Variants in NSD3 observed in about 807,000 individuals in gnomAD.
The protein encoded by NSD3 is histone-lysine N-methyltransferase NSD3.
NSD3 carries 24 observed loss-of-function variants against 160.8 expected under a neutral mutation model. The ratio of observed to expected loss-of-function variants is 0.15; its 90% confidence interval spans 0.11 to 0.21. The LOEUF is 0.21. NSD3 is among the 10% of genes least tolerant of loss of function. The pLI is 1.00. For missense variants in NSD3, 1,157 were observed against 1,735.9 expected (o/e 0.67, Z 5.93); for synonymous variants, 520 against 600.0 (o/e 0.87, Z 1.95).
intron 16 of NSD3, among the ~76,000 whole-genome samples, chr8:38,293,366 A>G (rs1304293984): frequency 6.6e-6 from 1 of 151,812 alleles, no homozygotes; most frequent in Non-Finnish European, 1.5e-5. Context: ...CCGGGCCAAC[A>G]TGGTGAAACC....
chr8:38,280,223 A>G (rs144436944), intron 20 of NSD3: 2 of 152,384 alleles, frequency 1.3e-5, no homozygotes, highest in Admixed American at 6.5e-5. Context: ...AAAGTTCACA[A>G]TACATTGAAA....
rs1306736963 is a variant in NSD3 at position 38,295,862 on chromosome 8, T to C, written c.2849A>G (p.Asn950Ser). The C allele has an allele frequency of 4.3e-6, 7 of 1,614,170 alleles. No individual in the cohort carries two copies. Among genetic ancestry groups the C allele is most frequent in the South Asian group, 1.1e-5 (1 of 91,078 alleles). Residue 950 changes from asparagine (N) to serine (S), a missense_variant, in exon 16 of 24, where the codon AAT becomes AGT. Physicochemically the swap from Asn to Ser is conservative, Grantham distance 46. Transcript: ENST00000317025. ...TAGTTTCTTGCCAGCTTTACAGTCA[T>C]TACAATTCCAGCAGCCTTCTGGCAT... is the stretch of plus-strand genomic sequence containing the variant. ...IEMPEGCWNCNDCKAGKKLHY... is the reference protein window; with the variant it reads ...IEMPEGCWNCSDCKAGKKLHY...
chr8:38,377,243 G>C (rs1412909012), intron 1 of NSD3, among the ~76,000 whole-genome samples: 1 of 96,074 alleles, frequency 1.0e-5, no homozygotes. Flanking sequence ...AGTAGAGACG[G>C]GAGTTTCACC....
At chr8:38,337,220 G>A (rs1044594766) in intron 4 of NSD3, 85 bp downstream of exon 4, 6 of 1,177,494 alleles carry the variant, frequency 5.1e-6, no homozygotes, top group Admixed American at 3.4e-5. Context: ...TATATTACGT[G>A]TGTATTCTTA....
chr8:38,372,589 C>A (rs1448898729), intron 1 of NSD3, among the ~76,000 whole-genome samples: 10 of 151,000 alleles, frequency 6.6e-5, no homozygotes, highest in Non-Finnish European at 1.0e-4. Flanking sequence ...CTCCGCCTCC[C>A]GGGTTCAAGC....
intron 1 of NSD3, among the ~76,000 whole-genome samples, chr8:38,369,254 T>C (rs1811179874): frequency 6.6e-6 from 1 of 152,190 alleles, no homozygotes; most frequent in African/African-American, 2.4e-5. Flanking sequence ...TTTCATACTA[T>C]ATATCCAAAT....
intron 3 of NSD3, among the ~76,000 whole-genome samples, chr8:38,338,128 C>T (rs1013958239): frequency 1.3e-5 from 2 of 151,840 alleles, no homozygotes; most frequent in Non-Finnish European, 1.5e-5. Flanking sequence ...AGTGAAACCC[C>T]GTCTCTACTA....
chr8:38,309,292 A>T (rs1157436013), intron 12 of NSD3, among the ~76,000 whole-genome samples: 3 of 152,130 alleles, frequency 2.0e-5, no homozygotes, highest in Non-Finnish European at 4.4e-5. Flanking sequence ...ACATGGCAAA[A>T]CCCTGGCTCT....
Position 38,348,080 on chromosome 8 carries a change from T to C in NSD3, c.92A>G (p.Glu31Gly), listed in dbSNP as rs1466739240. ...GTCACTGTTGTTATCAAAGGCATCCTCCTGACGGATGTTGGCGGAGTCAAT... is the reference window on the plus strand; with the variant it reads ...GTCACTGTTGTTATCAAAGGCATCCCCCTGACGGATGTTGGCGGAGTCAAT... ...QLIDSANIRQEDAFDNNSDIA... is the reference protein window; with the variant it reads ...QLIDSANIRQGDAFDNNSDIA... The change falls in exon 2 of 24, where the codon GAG (glutamate) becomes GGG (glycine). Residue 31 changes from glutamate (E) to glycine (G), a missense_variant. Glu to Gly is a moderately conservative substitution (Grantham distance 98). Around this residue, in one of 10 missense-constraint regions of NSD3, gnomAD observed 121 missense variants for 177.2 expected, o/e 0.68. Transcript: ENST00000317025. The C allele has an allele frequency of 6.2e-7, 1 of 1,614,158 alleles. No homozygotes were observed. Among genetic ancestry groups the C allele is most frequent in the Admixed American group, 1.7e-5 (1 of 60,018 alleles).
chr8:38,310,577 A>G (rs1219789645), intron 12 of NSD3, among the ~76,000 whole-genome samples: 1 of 151,586 alleles, frequency 6.6e-6, no homozygotes, highest in Non-Finnish European at 1.5e-5. Flanking sequence ...ATGCCATTAC[A>G]GTTCACCGCA....
chr8:38,338,463 G>A, intron 3 of NSD3, 73 bp downstream of exon 3: 1 of 1,219,408 alleles, frequency 8.2e-7, no homozygotes, highest in Non-Finnish European at 1.2e-6. Context: ...ATACAATTGT[G>A]TTGCAATTCA....
At chr8:38,297,836 A>G (rs1212488375) in intron 15 of NSD3, among the ~76,000 whole-genome samples, 1 of 151,924 alleles carries the variant, frequency 6.6e-6, no homozygotes, top group African/African-American at 2.4e-5. Flanking sequence ...TTTTTCCATC[A>G]GAAAGGAATG....
At chr8:38,375,020 A>C (rs2150397249) in intron 1 of NSD3, among the ~76,000 whole-genome samples, 1 of 152,226 alleles carries the variant, frequency 6.6e-6, no homozygotes, top group East Asian at 1.9e-4. Context: ...AAAATTTAAA[A>C]ATAAATAAAT....
At chr8:38,347,043 C>T (rs1217071731) in intron 2 of NSD3, among the ~76,000 whole-genome samples, 1 of 152,124 alleles carries the variant, frequency 6.6e-6, no homozygotes, top group African/African-American at 2.4e-5. Context: ...TTTATTAATA[C>T]TAACTCTGAT....
At chr8:38,361,330 G>A (rs577067812) in intron 1 of NSD3, among the ~76,000 whole-genome samples, 75 of 146,528 alleles carry the variant, frequency 5.1e-4, no homozygotes, top group African/African-American at 1.7e-3. Flanking sequence ...GGGTTTCACC[G>A]TGTTGGCCAG....
chr8:38,347,737 T>G lies in NSD3; in HGVS notation c.435A>C (p.Pro145=). The change falls in exon 2 of 24, where the codon CCA becomes CCC. Residue 145 remains proline, a synonymous_variant. Transcript: ENST00000317025. ...TAATTTCAGGTGAGCCAGTCTTCTT[T>G]GGAATCACAGTTTGTGGTACCGAAG... ...PPPSVPQTVI[P]KKTGSPEIKL... The G allele has an allele frequency of 6.2e-7, 1 of 1,612,584 alleles. No homozygotes were observed. The highest frequency in any genetic ancestry group is 8.5e-7 in the Non-Finnish European group (1 of 1,180,042).
intron 17 of NSD3, among the ~76,000 whole-genome samples, chr8:38,289,827 A>G (rs1475799759): frequency 1.3e-5 from 2 of 152,224 alleles, no homozygotes; most frequent in Admixed American, 6.5e-5. Flanking sequence ...CAGAAAGCCA[A>G]ACTTGCTGGC....
At chr8:38,315,250 A>T (rs1367719595) in intron 11 of NSD3, among the ~76,000 whole-genome samples, 166 bp downstream of exon 11, 1 of 152,236 alleles carries the variant, frequency 6.6e-6, no homozygotes, top group Non-Finnish European at 1.5e-5. Flanking sequence ...AAGTATTCCA[A>T]CTCAGAAAGG....
chr8:38,305,829 A>G (rs1809380169), intron 12 of NSD3, among the ~76,000 whole-genome samples: 1 of 152,180 alleles, frequency 6.6e-6, no homozygotes, highest in Non-Finnish European at 1.5e-5. Flanking sequence ...TGCAAAATAT[A>G]CATAAAATGA....
Sources: allele counts gnomAD v4.1 joint callset (sites outside exome capture counted in the v4.1 genomes callset), GRCh38; gene constraint gnomAD v4.1.1; regional missense constraint gnomAD v4.1.1; transcripts MANE v1.5; gene names NCBI Gene and HGNC (gene_info 2026-07-23, HGNC 2026-07-21).